Variants in PLEKHG1 observed in about 807,000 individuals in gnomAD.
PLEKHG1 encodes the protein pleckstrin homology and RhoGEF domain containing G1, also known as pleckstrin homology domain-containing family G member 1.
Under a neutral mutation model 100.8 loss-of-function variants are expected in PLEKHG1, and 44 were observed. The ratio of observed to expected loss-of-function variants is 0.44; its 90% CI spans 0.34 to 0.56. The LOEUF (loss-of-function observed/expected upper bound fraction) is 0.56. PLEKHG1 is among the 20% of genes least tolerant of loss of function. The pLI is 0.01. For missense variants in PLEKHG1, 1,545 were observed against 1,720.9 expected (o/e 0.90, Z 1.81); for synonymous variants, 640 against 662.5 (o/e 0.97, Z 0.52).
At chr6:150,645,784 C>G (rs984243700) in intron 2 of PLEKHG1, among the ~76,000 whole-genome samples, 7 of 151,846 alleles carry the variant, frequency 4.6e-5, no homozygotes, top group African/African-American at 1.5e-4. Context: ...CTCTTATACA[C>G]TATGGGTGGA....
At chr6:150,796,388 G>A (rs753160114) in intron 5 of PLEKHG1, among the ~76,000 whole-genome samples, 32 of 152,260 alleles carry the variant, frequency 2.1e-4, no homozygotes, top group Admixed American at 2.0e-4. Flanking sequence ...GATGAGAAGA[G>A]GGGCATCGTC....
chr6:150,809,433 G>C, exon 9 of PLEKHG1: 2 of 1,613,956 alleles, frequency 1.2e-6, no homozygotes, highest in Non-Finnish European at 1.7e-6. Context: ...CTCAGCTTCA[G>C]CGTCTTCCAC....
At chr6:150,792,263 A>G (rs559054100) in intron 4 of PLEKHG1, among the ~76,000 whole-genome samples, 2 of 151,812 alleles carry the variant, frequency 1.3e-5, no homozygotes, top group African/African-American at 4.8e-5. Context: ...AGGCTGAGGC[A>G]GGAGAATCAC....
chr6:150,701,537 G>A (rs1296954271), intron 3 of PLEKHG1, among the ~76,000 whole-genome samples: 2 of 140,728 alleles, frequency 1.4e-5, no homozygotes, highest in African/African-American at 2.6e-5. Flanking sequence ...CATGTGCCAT[G>A]TTGGTGTGCT....
At chr6:150,757,323 C>T (rs756090338) in intron 2 of PLEKHG1, among the ~76,000 whole-genome samples, 14 of 152,220 alleles carry the variant, frequency 9.2e-5, no homozygotes, top group Middle Eastern at 3.4e-3. Flanking sequence ...TTTAATGGGC[C>T]ATTATTTGGT....
At chr6:150,700,490 A>C (rs1440939193) in intron 3 of PLEKHG1, among the ~76,000 whole-genome samples, 5 of 152,138 alleles carry the variant, frequency 3.3e-5, no homozygotes. Context: ...GGGCTAAAGA[A>C]CCTGGGGTGA....
chr6:150,840,065 T>C lies in PLEKHG1; in HGVS notation c.3327T>C (p.Tyr1109=), dbSNP rs1278292284. ...CAGAGCAAGACTTGAGGTCAAGATA[T>C]CCCACGTTTGAGATCAATACAAAAA... Residue 1109 remains tyrosine, a synonymous_variant, in exon 16 of 16, where the codon TAT becomes TAC. Transcript: ENST00000358517. 2.5e-6 allele frequency: 4 copies of C among 1,614,030 alleles called. No individual in the cohort carries two copies. In the African/African-American group the frequency reaches 5.3e-5, roughly 22 times the overall value.
chr6:150,645,692 C>G (rs1298686648), intron 2 of PLEKHG1, among the ~76,000 whole-genome samples: 1 of 152,120 alleles, frequency 6.6e-6, no homozygotes, highest in African/African-American at 2.4e-5. Context: ...ATAATAATAC[C>G]ATTTCACACC....
intron 12 of PLEKHG1, 46 bp downstream of exon 13, chr6:150,819,820 G>T (rs1235351715): frequency 4.9e-6 from 5 of 1,028,792 alleles, no homozygotes; most frequent in Non-Finnish European, 7.7e-6. Flanking sequence ...TGGGGGACTG[G>T]CAATGAAAGT....
intron 3 of PLEKHG1, among the ~76,000 whole-genome samples, chr6:150,653,941 A>C (rs76373799): frequency 0.03 from 4,504 of 152,198 alleles, 130 homozygotes; most frequent in African/African-American, 0.067. Flanking sequence ...CCTTTCCATA[A>C]TCATTGATAT....
chr6:150,618,144 C>T (rs1013199546), intron 1 of PLEKHG1, among the ~76,000 whole-genome samples: 4 of 152,152 alleles, frequency 2.6e-5, no homozygotes. Context: ...ATGTTAGTAA[C>T]TGACCTATTA....
chr6:150,707,909 C>T (rs1781088993), intron 3 of PLEKHG1, among the ~76,000 whole-genome samples: 1 of 152,116 alleles, frequency 6.6e-6, no homozygotes, highest in Admixed American at 6.5e-5. Context: ...CACCTCCTGG[C>T]TCCCCTTTCC....
intron 3 of PLEKHG1, among the ~76,000 whole-genome samples, chr6:150,771,584 C>T (rs1784717532): frequency 2.0e-5 from 3 of 151,580 alleles, no homozygotes; most frequent in East Asian, 2.0e-4. Flanking sequence ...TTCACTGTGT[C>T]GCCCAGGCTG....
intron 1 of PLEKHG1, among the ~76,000 whole-genome samples, chr6:150,724,709 GCCACTA>G: frequency 6.6e-6 from 1 of 151,800 alleles, no homozygotes; most frequent in South Asian, 2.1e-4. Flanking sequence ...ACATGCACCT[GCCACTA>G]CGCCTGGCTA....
upstream of PLEKHG1, among the ~76,000 whole-genome samples, chr6:150,716,849 G>A (rs942447322): frequency 2.1e-4 from 7 of 33,072 alleles, no homozygotes; most frequent in Admixed American, 6.6e-4. Context: ...CTTCTGGGAA[G>A]GGATTTTTTT....
At chr6:150,712,937 T>C (rs1210634889) in intron 3 of PLEKHG1, among the ~76,000 whole-genome samples, 1 of 152,208 alleles carries the variant, frequency 6.6e-6, no homozygotes, top group Non-Finnish European at 1.5e-5. Context: ...TTTAGGAAAA[T>C]AGTGCAAATG....
chr6:150,772,758 G>A (rs2128642301), intron 3 of PLEKHG1, among the ~76,000 whole-genome samples: 1 of 152,308 alleles, frequency 6.6e-6, no homozygotes, highest in Non-Finnish European at 1.5e-5. Flanking sequence ...CATTGGTGAT[G>A]ATCTATCTCT....
chr6:150,670,267 T>G (rs1363759307), intron 3 of PLEKHG1, among the ~76,000 whole-genome samples: 1 of 152,268 alleles, frequency 6.6e-6, no homozygotes, highest in Non-Finnish European at 1.5e-5. Flanking sequence ...ACACAGGTTT[T>G]TCTTTTCATA....
At chr6:150,650,773 T>G (rs1051839616) in exon 3 of PLEKHG1, 2 of 152,146 alleles carry the variant, frequency 1.3e-5, no homozygotes, top group Non-Finnish European at 2.9e-5. Flanking sequence ...ATTGAAAAGG[T>G]TTCAACTATA....
Sources: gnomAD v4.1 joint callset for allele counts (sites outside exome capture counted in the v4.1 genomes callset) on GRCh38, gnomAD v4.1.1 for gene constraint, MANE v1.5 for transcripts, NCBI Gene and HGNC (gene_info 2026-07-23, HGNC 2026-07-21) for gene names.